Variants in GTPBP4 observed in about 807,000 individuals in gnomAD.
GTPBP4 encodes GTP binding protein 4.
Under a neutral mutation model 81.7 loss-of-function variants are expected in GTPBP4, and 15 were observed. The observed-to-expected ratio is 0.18, with a 90% confidence interval of 0.12 to 0.28. The LOEUF is 0.28. Ranked by LOEUF, GTPBP4 falls within the 10% of genes least tolerant of loss-of-function variation. The pLI, the probability that GTPBP4 is intolerant of heterozygous loss-of-function variation, is 1.00. For missense variants in GTPBP4, 847 were observed against 793.8 expected, an observed-to-expected ratio of 1.07 and a Z score of -0.81; for synonymous variants, 272 against 274.6, an observed-to-expected ratio of 0.99 and a Z score of 0.09.
In GTPBP4 at chr10:1,018,403, GAC is replaced by G. The variant is rs1386425080; in HGVS notation, c.*1178_*1179del. 1 of 150,136 alleles carries G rather than the reference GAC, an allele frequency of 6.7e-6. No homozygotes were observed. Among genetic ancestry groups the G allele is most frequent in the Non-Finnish European group, 1.5e-5 (1 of 67,804 alleles). The allele number at this position is 150,136 out of a possible 1,614,324, so 9.3% of individuals were successfully genotyped here. On this transcript the variant is annotated 3_prime_UTR_variant, in exon 17 of 17. Transcript: ENST00000360803. ...CGTGCCACTGCACTCCAGCCTGGGT[GAC>G]AGAGAGAGACTCCGTGTGAAAAAAA...
At chr10:1,012,349 G>A (rs1831893462) in intron 13 of GTPBP4, 116 bp from the exon 14 acceptor site, 7 of 695,348 alleles carry the variant, frequency 1.0e-5, no homozygotes, top group South Asian at 3.9e-5. Flanking sequence ...CTGGACCAGG[G>A]CAATCGCTCT....
rs1315466748 is a variant in GTPBP4, at chr10:991,204, T to G, written c.49-1285T>G. 3.3e-5 allele frequency among the ~76,000 whole-genome samples: 5 copies of G among 152,376 alleles called. No individual in the cohort carries two copies. The East Asian group carries it at 9.6e-4, about 29-fold the overall frequency. On this transcript the variant is annotated intron_variant, in intron 1 of 16. Transcript: ENST00000360803. ...GTGCCCACCTGTTTACTTCTGTCAC[T>G]GGACCCTGAATTCCGTGAAGGAAGG...
intron 16 of GTPBP4, 101 bp from the exon 17 acceptor site, chr10:1,016,974 G>T: frequency 1.1e-6 from 1 of 904,636 alleles, no homozygotes. Flanking sequence ...TCGCTGAGCA[G>T]ACCTGAGCCA....
At position 1,017,546 on chromosome 10, in the gene GTPBP4, A is replaced by G. The variant is rs1345813220; in HGVS notation, c.*319A>G. On this transcript the variant is annotated 3_prime_UTR_variant, in exon 17 of 17. Transcript: ENST00000360803. ...GGAGAAAAACCTTATTTTCTTTTGT[A>G]AGAGCTGGGAGCAAACACGTTTATG... 3 of 216,118 alleles carry G rather than the reference A, an allele frequency of 1.4e-5. No individual in the cohort carries two copies. Among genetic ancestry groups the G allele is most frequent in the Non-Finnish European group, 2.7e-5 (3 of 110,204 alleles). 13.4% of individuals were successfully genotyped at this position (216,118 alleles called of 1,614,324 possible).
At chr10:989,101 T>C (rs1193266289) in intron 1 of GTPBP4, among the ~76,000 whole-genome samples, 1 of 151,658 alleles carries the variant, frequency 6.6e-6, no homozygotes, top group Admixed American at 6.6e-5. Context: ...TCAACAAGTG[T>C]TGAGTATTAG....
chr10:1,015,364 G>A (rs1034419628), intron 15 of GTPBP4, among the ~76,000 whole-genome samples: 1 of 140,122 alleles, frequency 7.1e-6, no homozygotes, highest in Non-Finnish European at 1.5e-5. Context: ...CCTGGGTGCG[G>A]GGCTGGGGTC....
intron 10 of GTPBP4, chr10:1,008,094 C>T: frequency 2.2e-6 from 1 of 455,224 alleles, no homozygotes; most frequent in Non-Finnish European, 4.4e-6. Context: ...GAAAGGCTTA[C>T]CATTCATTCC....
In GTPBP4 at chr10:1,019,922, T is replaced by A. The variant is rs1832061985; in HGVS notation, c.*2695T>A. 1 of 1,035,360 alleles carries A rather than the reference T, an allele frequency of 9.7e-7. No homozygotes were observed. The highest frequency in any genetic ancestry group is 1.6e-5 in the African/African-American group (1 of 61,780). 64.1% of individuals were successfully genotyped at this position (1,035,360 alleles called of 1,614,324 possible). Reference sequence around the variant, plus strand: ...ATAGAGAAAATAAACACATTTGTTTTCCTCAGAAAATGAACACTTTCTTTG... The same window carrying A: ...ATAGAGAAAATAAACACATTTGTTTACCTCAGAAAATGAACACTTTCTTTG... On this transcript the variant is annotated 3_prime_UTR_variant, in exon 17 of 17. Transcript: ENST00000360803.
chr10:1,006,338 CAAAT>C (rs1373995539), intron 9 of GTPBP4, among the ~76,000 whole-genome samples: 3 of 152,220 alleles, frequency 2.0e-5, no homozygotes, highest in African/African-American at 7.2e-5. Flanking sequence ...GTTTTTATCT[CAAAT>C]AAAAGGACAT....
intron 1 of GTPBP4, among the ~76,000 whole-genome samples, chr10:992,182 C>T (rs191358484): frequency 1.0e-3 from 155 of 151,236 alleles, no homozygotes; most frequent in African/African-American, 3.4e-3. Flanking sequence ...AGGTGGATCA[C>T]GAGGTCAGGA....
chr10:1,016,337 G>A (rs1055435296), intron 16 of GTPBP4, among the ~76,000 whole-genome samples: 2 of 152,238 alleles, frequency 1.3e-5, no homozygotes, highest in Admixed American at 6.5e-5. Context: ...CAGGTGGAGA[G>A]CTTGAGTCAC....
chr10:1,011,109 C>G (rs1325709785), intron 13 of GTPBP4, among the ~76,000 whole-genome samples: 1 of 104,198 alleles, frequency 9.6e-6, no homozygotes, highest in African/African-American at 3.6e-5. Context: ...CTCTTCCCCC[C>G]ACCCCGAGAC....
At chr10:1,012,006 TG>T (rs989686831) in intron 13 of GTPBP4, among the ~76,000 whole-genome samples, 1 of 152,148 alleles carries the variant, frequency 6.6e-6, no homozygotes, top group African/African-American at 2.4e-5. Context: ...GTTGCCTCAT[TG>T]GGGGGTGATA....
intron 3 of GTPBP4, 26 bp from the exon 4 acceptor site, chr10:996,080 A>AG: frequency 2.8e-6 from 4 of 1,442,942 alleles, no homozygotes; most frequent in African/African-American, 3.0e-5. Context: ...GAAAGTGGAA[A>AG]AAATAATATT....
chr10:996,594 G>A (rs188549598), intron 4 of GTPBP4: 50 of 168,134 alleles, frequency 3.0e-4, no homozygotes, highest in African/African-American at 1.1e-3. Flanking sequence ...CTGAATTAAT[G>A]TACTAGGATT....
chr10:1,019,208 C>T lies in GTPBP4; in HGVS notation c.*1981C>T. 3.6e-6 allele frequency: 1 copy of T among 279,026 alleles called. No homozygotes were observed. The highest frequency in any genetic ancestry group is 4.9e-5 in the Admixed American group (1 of 20,350). The allele number at this position is 279,026 out of a possible 1,614,324, so 17.3% of individuals were successfully genotyped here. ...AGGCTAGTCCGCCTGCTTCAGGACT[C>T]TCAAGATCTCCCCAAGACTTTCAGG... On this transcript the variant is annotated 3_prime_UTR_variant, in exon 17 of 17. Transcript: ENST00000360803.
At chr10:1,010,801 C>T (rs1474495068) in intron 13 of GTPBP4, among the ~76,000 whole-genome samples, 2 of 146,432 alleles carry the variant, frequency 1.4e-5, no homozygotes, top group Non-Finnish European at 3.0e-5. Flanking sequence ...ATCCTGCACC[C>T]CTCCATCCTG....
chr10:1,002,078 C>G (rs1254944179), intron 8 of GTPBP4, among the ~76,000 whole-genome samples: 1 of 152,136 alleles, frequency 6.6e-6, no homozygotes, highest in Non-Finnish European at 1.5e-5. Context: ...CGTGCGCCAC[C>G]ACACCGAGCT....
At chr10:997,341 C>CTT (rs1564466492) in intron 5 of GTPBP4, 33 bp downstream of exon 5, 1 of 1,151,692 alleles carries the variant, frequency 8.7e-7, no homozygotes, top group Non-Finnish European at 1.3e-6. Context: ...AGCAAATCAT[C>CTT]TGACTATTTT....
Sources: gnomAD v4.1 joint callset for allele counts (sites outside exome capture counted in the v4.1 genomes callset) on GRCh38, gnomAD v4.1.1 for gene constraint, MANE v1.5 for transcripts, NCBI Gene and HGNC (gene_info 2026-07-23, HGNC 2026-07-21) for gene names.